Variants in SORCS1 observed in about 807,000 individuals in gnomAD.
SORCS1 encodes sortilin related VPS10 domain containing receptor 1, also known as VPS10 domain-containing receptor SorCS1.
A neutral mutation model predicts 146.1 loss-of-function variants in SORCS1; 60 were observed. The observed-to-expected ratio is 0.41, with a 90% CI of 0.33 to 0.51. The LOEUF is 0.51. Among genes scored for constraint, SORCS1 ranks in the 20% least tolerant of loss-of-function variants. The probability of loss-of-function intolerance (pLI) is 0.21; values close to 1 mark genes in which losing one functional copy is unlikely to be tolerated. For missense variants in SORCS1, 1,352 were observed against 1,487.6 expected (o/e 0.91, Z 1.50); for synonymous variants, 637 against 584.0 (o/e 1.09, Z -1.31).
At chr10:107,042,873 G>A (rs773482673) in intron 1 of SORCS1, among the ~76,000 whole-genome samples, 2 of 152,088 alleles carry the variant, frequency 1.3e-5, no homozygotes, top group African/African-American at 2.4e-5. Flanking sequence ...GCCTCCCAAT[G>A]TTCTGGGATT....
chr10:106,757,406 G>A (rs577662294), intron 5 of SORCS1, among the ~76,000 whole-genome samples: 10 of 152,192 alleles, frequency 6.6e-5, no homozygotes, highest in Admixed American at 2.6e-4. Flanking sequence ...TTTTAACTAC[G>A]CTTGCTGAAT....
Position 107,039,627 on chromosome 10 carries a change from G to A in SORCS1, c.559-83047C>T, listed in dbSNP as rs142445097. 8.7e-4 allele frequency among the ~76,000 whole-genome samples: 132 copies of A among 152,202 alleles called. 1 individual carries two copies. The East Asian group carries it at 0.02, about 23-fold the overall frequency. ...CCTGCGGGATCAGCTGGAAGGGATG[G>A]GGAGCCTCTCAGTCTCAGCAGTCAC... On this transcript the variant is annotated intron_variant, in intron 1 of 25. Transcript: ENST00000263054.
At chr10:106,947,537 C>T (rs1035497285) in intron 2 of SORCS1, among the ~76,000 whole-genome samples, 3 of 152,288 alleles carry the variant, frequency 2.0e-5, no homozygotes, top group African/African-American at 7.2e-5. Context: ...AGTCTTACTT[C>T]TCTCATCTAG....
intron 1 of SORCS1, among the ~76,000 whole-genome samples, chr10:107,061,855 G>T (rs1961262235): frequency 6.6e-6 from 1 of 152,132 alleles, no homozygotes; most frequent in South Asian, 2.1e-4. Flanking sequence ...TGGCAATAGA[G>T]AAATACGTTA....
At chr10:106,875,028 C>A (rs935419442) in intron 2 of SORCS1, among the ~76,000 whole-genome samples, 2 of 151,994 alleles carry the variant, frequency 1.3e-5, no homozygotes. Flanking sequence ...AATTATATAG[C>A]GGTGAATTCT....
At chr10:106,871,204 A>G (rs895444263) in intron 2 of SORCS1, among the ~76,000 whole-genome samples, 5 of 152,212 alleles carry the variant, frequency 3.3e-5, no homozygotes, top group African/African-American at 1.2e-4. Flanking sequence ...CAAATAACAG[A>G]TGCTGGCAAT....
intron 4 of SORCS1, among the ~76,000 whole-genome samples, chr10:106,772,664 C>A (rs1255139356): frequency 2.6e-5 from 4 of 152,146 alleles, no homozygotes; most frequent in Non-Finnish European, 5.9e-5. Context: ...ACACATTCTT[C>A]CCTGATTAAA....
chr10:106,812,599 A>G lies in SORCS1; in HGVS notation c.726+16975T>C, dbSNP rs189519120. Among the ~76,000 whole-genome samples, 810 of 152,280 alleles carry G rather than the reference A, an allele frequency of 5.3e-3. 4 individuals carry two copies. Among genetic ancestry groups the G allele is most frequent in the African/African-American group, 0.018 (756 of 41,566 alleles). ...GTAGTTCTATTAGTTTCTTTTATAA[A>G]TCTGATATAGAAAAAGTGTCTGTCA... On this transcript the variant is annotated intron_variant, in intron 3 of 25. Coordinates refer to ENST00000263054, the MANE Select transcript of SORCS1 (RefSeq NM_052918.5).
At chr10:106,782,092 G>A (rs1190016508) in intron 3 of SORCS1, among the ~76,000 whole-genome samples, 1 of 152,152 alleles carries the variant, frequency 6.6e-6, no homozygotes, top group African/African-American at 2.4e-5. Context: ...TCAATACTGA[G>A]ATGAACAGAA....
In SORCS1 at chr10:106,825,049, C is replaced by CT. The variant is rs200078224; in HGVS notation, c.726+4524dup. Among the ~76,000 whole-genome samples, 1,239 of 151,932 alleles carry CT rather than the reference C, an allele frequency of 8.2e-3. 19 individuals carry two copies. The highest frequency in any genetic ancestry group is 0.028 in the African/African-American group (1,163 of 41,426). On this transcript the variant is annotated intron_variant, in intron 3 of 25. Transcript: ENST00000263054. The stretch of plus-strand genomic sequence containing the variant: ...CCAAGTAAAAAACCAAAACAAAACA[C>CT]TTTTTTTTCCTTTTATTCCCCAGTG...
At chr10:106,820,204 A>G (rs150377562) in intron 3 of SORCS1, among the ~76,000 whole-genome samples, 1,768 of 152,282 alleles carry the variant, frequency 0.012, 18 homozygotes, top group Admixed American at 0.017. Flanking sequence ...TCTACTCCCC[A>G]AACACACATA....
chr10:106,821,389 G>A (rs1354640111), intron 3 of SORCS1, among the ~76,000 whole-genome samples: 1 of 152,096 alleles, frequency 6.6e-6, no homozygotes, highest in Non-Finnish European at 1.5e-5. Flanking sequence ...TATTTATTGA[G>A]CTAGCTAAAT....
At chr10:107,049,771 T>C (rs987187600) in intron 1 of SORCS1, among the ~76,000 whole-genome samples, 2 of 152,158 alleles carry the variant, frequency 1.3e-5, no homozygotes, top group Non-Finnish European at 2.9e-5. Context: ...GATGACGGTA[T>C]CAAACATTCT....
At chr10:106,843,587 ACGCCCAG>A (rs1949160914) in intron 2 of SORCS1, among the ~76,000 whole-genome samples, 1 of 151,836 alleles carries the variant, frequency 6.6e-6, no homozygotes, top group Non-Finnish European at 1.5e-5. Context: ...ATCTGCCACC[ACGCCCAG>A]CTTATTCTGT....
chr10:106,710,236 C>T (rs561703391), intron 6 of SORCS1, among the ~76,000 whole-genome samples: 7 of 152,112 alleles, frequency 4.6e-5, no homozygotes, highest in South Asian at 2.1e-4. Context: ...ATCACGAGGT[C>T]TGGAGTTCAC....
At position 106,921,116 on chromosome 10, in the gene SORCS1, C is replaced by A. The variant is rs114382632; in HGVS notation, c.626+35397G>T. On this transcript the variant is annotated intron_variant, in intron 2 of 25. Transcript: ENST00000263054. Reference sequence around the variant, plus strand: ...CAGGCATCAGATCTCAATCTACAAACCATTTTGATTATCTCAGTCAAGTGT... The same window carrying A: ...CAGGCATCAGATCTCAATCTACAAAACATTTTGATTATCTCAGTCAAGTGT... 3.3e-3 allele frequency among the ~76,000 whole-genome samples: 506 copies of A among 152,292 alleles called. 6 individuals are homozygous for A. Among genetic ancestry groups the A allele is most frequent in the African/African-American group, 0.011 (451 of 41,556 alleles).
At chr10:107,165,011 C>A (rs2134970647), upstream of SORCS1, among the ~76,000 whole-genome samples, 1 of 151,592 alleles carries the variant, frequency 6.6e-6, no homozygotes, top group African/African-American at 2.4e-5. This position sits in a 1 kb window ranked among gnomAD's most constrained non-coding sequence, Gnocchi z 4.0. Context: ...CCCGCGGGGG[C>A]GGTCGACCCC....
At chr10:106,809,001 C>G (rs561351301) in intron 3 of SORCS1, among the ~76,000 whole-genome samples, 6 of 152,126 alleles carry the variant, frequency 3.9e-5, no homozygotes, top group African/African-American at 1.4e-4. Context: ...CTGCAGGAAT[C>G]TGGAAGCAGT....
intron 3 of SORCS1, among the ~76,000 whole-genome samples, chr10:106,783,144 T>C (rs1861025539): frequency 6.6e-6 from 1 of 152,226 alleles, no homozygotes; most frequent in Admixed American, 6.5e-5. Context: ...AGTTTCCTCA[T>C]TGAAGACAGT....
Sources: gnomAD v4.1 joint callset for allele counts (sites outside exome capture counted in the v4.1 genomes callset) on GRCh38, gnomAD v4.1.1 for gene constraint, Gnocchi (gnomAD v3.1) non-coding constraint, MANE v1.5 for transcripts, NCBI Gene and HGNC (gene_info 2026-07-23, HGNC 2026-07-21) for gene names.